Variants in CTNND2 observed in about 807,000 individuals in gnomAD.
CTNND2 encodes the protein catenin delta 2, also known as catenin delta-2.
In CTNND2, 22 loss-of-function variants were observed where a neutral mutation model predicts 144.4. The ratio of observed to expected loss-of-function variants is 0.15; its 90% confidence interval spans 0.11 to 0.22. The LOEUF is 0.22. CTNND2 is among the 10% of genes least tolerant of loss of function. CTNND2 has a pLI of 1.00. For missense variants in CTNND2, 1,353 were observed against 1,618.8 expected (o/e 0.84, Z 2.82); for synonymous variants, 751 against 695.6 (o/e 1.08, Z -1.25).
At position 11,691,523 on chromosome 5, in the gene CTNND2, C is replaced by T. The variant is rs147291169; in HGVS notation, c.174+40613G>A. 2.9e-3 allele frequency among the ~76,000 whole-genome samples: 437 copies of T among 152,014 alleles called. 1 individual carries two copies. The highest frequency in any genetic ancestry group is 7.8e-3 in the Admixed American group (119 of 15,298). On this transcript the variant is annotated intron_variant, in intron 2 of 21. Coordinates refer to ENST00000304623, the MANE Select transcript of CTNND2 (RefSeq NM_001332.4). ...TACAAGTACTCAACCAAAGCATCAA[C>T]TTTTTGAAAAATCAGTTTCATCTAA... is the stretch of plus-strand genomic sequence containing the variant.
intron 3 of CTNND2, among the ~76,000 whole-genome samples, chr5:11,540,618 G>A (rs1002145557): frequency 2.0e-5 from 3 of 152,102 alleles, no homozygotes; most frequent in Admixed American, 1.3e-4. Flanking sequence ...CTGGGTTCAA[G>A]CCGGGCTCAG....
At chr5:11,556,124 A>G (rs1475815036) in intron 3 of CTNND2, among the ~76,000 whole-genome samples, 2 of 152,180 alleles carry the variant, frequency 1.3e-5, no homozygotes, top group African/African-American at 2.4e-5. Flanking sequence ...TAACTTTGAA[A>G]TAGAAATTAT....
intron 12 of CTNND2, among the ~76,000 whole-genome samples, chr5:11,152,622 T>G (rs149781114): frequency 1.2e-3 from 188 of 152,188 alleles, no homozygotes; most frequent in African/African-American, 4.3e-3. Flanking sequence ...GATCTGGAAA[T>G]GTTGGGGTTG....
At chr5:11,671,134 C>G (rs1027373572) in intron 2 of CTNND2, among the ~76,000 whole-genome samples, 16 of 152,170 alleles carry the variant, frequency 1.1e-4, no homozygotes, top group African/African-American at 3.6e-4. Flanking sequence ...AGAGTTTCTG[C>G]TGAGAGATCC....
intron 12 of CTNND2, among the ~76,000 whole-genome samples, chr5:11,129,162 T>TATTTATATATAA (rs1755210283): frequency 5.2e-5 from 1 of 19,188 alleles, no homozygotes; most frequent in African/African-American, 1.6e-4. Flanking sequence ...TATACATATA[T>TATTTATATATAA]TATATATTAT....
chr5:11,084,121 C>G (rs1432192749), intron 15 of CTNND2, among the ~76,000 whole-genome samples: 1 of 152,212 alleles, frequency 6.6e-6, no homozygotes, highest in Non-Finnish European at 1.5e-5. Flanking sequence ...GCAGGTAAAG[C>G]TCACTAAAGC....
intron 1 of CTNND2, among the ~76,000 whole-genome samples, chr5:11,835,804 T>C (rs1055086555): frequency 3.9e-5 from 6 of 152,190 alleles, no homozygotes; most frequent in East Asian, 1.9e-4. Context: ...TTTAATTCCA[T>C]TGATTTCTAC....
intron 12 of CTNND2, among the ~76,000 whole-genome samples, chr5:11,149,351 A>C (rs1757535454): frequency 6.6e-6 from 1 of 152,214 alleles, no homozygotes; most frequent in African/African-American, 2.4e-5. Context: ...AGGGCAGGCA[A>C]CATGTAACCC....
chr5:10,973,831 A>C lies in CTNND2; in HGVS notation c.3418-118T>G, dbSNP rs970090188. The C allele has an allele frequency of 3.3e-5, 38 of 1,162,242 alleles. No individual in the cohort carries two copies. Among genetic ancestry groups the C allele is most frequent in the Non-Finnish European group, 1.6e-5 (14 of 857,158 alleles). 72.0% of individuals were successfully genotyped at this position (1,162,242 alleles called of 1,614,324 possible). On this transcript the variant is annotated intron_variant, in intron 21 of 21. Coordinates refer to ENST00000304623, the MANE Select transcript of CTNND2 (RefSeq NM_001332.4). The surrounding 1 kb of genome is among the most constrained non-coding windows in gnomAD (Gnocchi z 5.6). The stretch of plus-strand genomic sequence containing the variant: ...GGCTGTGTATATCCAGGCATTCACC[A>C]CTGTGGCCCTGCTTCTCCAAAACTG...
At chr5:11,700,617 A>G (rs1192837799) in intron 2 of CTNND2, among the ~76,000 whole-genome samples, 1 of 152,076 alleles carries the variant, frequency 6.6e-6, no homozygotes, top group Non-Finnish European at 1.5e-5. Flanking sequence ...ATTCTCTGTC[A>G]TCCTCTTGGG....
At chr5:11,109,055 G>A (rs1752688335) in intron 14 of CTNND2, among the ~76,000 whole-genome samples, 1 of 152,282 alleles carries the variant, frequency 6.6e-6, no homozygotes, top group South Asian at 2.1e-4. Context: ...TGGGGGAGAC[G>A]CGCCTTCTTG....
intron 9 of CTNND2, among the ~76,000 whole-genome samples, chr5:11,284,614 T>G (rs1473556149): frequency 6.6e-6 from 1 of 152,222 alleles, no homozygotes; most frequent in Non-Finnish European, 1.5e-5. Context: ...TATGGCTGCG[T>G]AGTATTCTAT....
intron 2 of CTNND2, among the ~76,000 whole-genome samples, chr5:11,707,939 C>T (rs1785797793): frequency 6.6e-6 from 1 of 152,184 alleles, no homozygotes; most frequent in Admixed American, 6.5e-5. Context: ...GAACTTTCCA[C>T]TCCTAAATTT....
intron 18 of CTNND2, 38 bp from the exon 19 acceptor site, chr5:10,992,715 CAG>C (rs774092985): frequency 1.8e-5 from 29 of 1,598,112 alleles, no homozygotes; most frequent in East Asian, 2.2e-5. Context: ...ATGGGCAAGA[CAG>C]AGTGATTTTT....
intron 12 of CTNND2, among the ~76,000 whole-genome samples, chr5:11,123,924 C>CA (rs1754392097): frequency 6.6e-6 from 1 of 152,186 alleles, no homozygotes; most frequent in Non-Finnish European, 1.5e-5. Context: ...ACCATGGCCC[C>CA]CACACACACC....
chr5:10,999,916 G>A (rs532451955), intron 18 of CTNND2, among the ~76,000 whole-genome samples: 10 of 152,296 alleles, frequency 6.6e-5, no homozygotes, highest in Non-Finnish European at 8.8e-5. Flanking sequence ...TCGTCCATAC[G>A]GGCATTTCCA....
At chr5:11,778,190 G>C (rs920276087) in intron 1 of CTNND2, among the ~76,000 whole-genome samples, 3 of 152,104 alleles carry the variant, frequency 2.0e-5, no homozygotes, top group African/African-American at 7.2e-5. Context: ...TGGAAGTGCA[G>C]TCACCAGCTT....
intron 1 of CTNND2, among the ~76,000 whole-genome samples, chr5:11,761,878 T>C (rs6880540): frequency 0.076 from 11,582 of 152,096 alleles, 1,171 homozygotes; most frequent in African/African-American, 0.23. Context: ...TCACCATAGT[T>C]AACGCAATGG....
chr5:11,392,033 A>G (rs556276516), intron 6 of CTNND2, among the ~76,000 whole-genome samples: 37 of 152,316 alleles, frequency 2.4e-4, no homozygotes, highest in Non-Finnish European at 4.3e-4. Context: ...TCTCTGCCCA[A>G]TGGTCCCAAA....
Sources: gnomAD v4.1 joint callset for allele counts (sites outside exome capture counted in the v4.1 genomes callset) on GRCh38, gnomAD v4.1.1 for gene constraint, Gnocchi (gnomAD v3.1) non-coding constraint, MANE v1.5 for transcripts, NCBI Gene and HGNC (gene_info 2026-07-23, HGNC 2026-07-21) for gene names.